The following CUBN variants were observed in gnomAD, a reference collection of about 807,000 sequenced individuals.
The protein encoded by CUBN is cubilin, also known as 460 kDa receptor.
CUBN carries 282 observed loss-of-function variants against 405.3 expected under a neutral mutation model. The ratio of observed to expected loss-of-function variants is 0.70; its 90% CI spans 0.63 to 0.77. The LOEUF (loss-of-function observed/expected upper bound fraction) is 0.77, where lower values mean the gene tolerates loss of function less well. Ranked by LOEUF, CUBN falls within the 30% of genes least tolerant of loss-of-function variation. The probability of loss-of-function intolerance (pLI) is 0.00; values close to 1 mark genes in which losing one functional copy is unlikely to be tolerated. For synonymous variants in CUBN, 1,684 were observed against 1,617.0 expected (o/e 1.04, Z -0.99); for missense variants, 4,514 against 4,475.2 (o/e 1.01, Z -0.25).
At position 17,000,509 on chromosome 10, in the gene CUBN, C is replaced by G. The variant is rs1833848239; in HGVS notation, c.4169-9994G>C. ...GTCACTTAGTGGGAAGCCTTTGAAA[C>G]TGGATCACCATTTACTTGGGTAAGA... On this transcript the variant is annotated intron_variant, in intron 28 of 66. Coordinates refer to ENST00000377833, the MANE Select transcript of CUBN (RefSeq NM_001081.4). Among the ~76,000 whole-genome samples, 6 of 152,338 alleles carry G rather than the reference C, an allele frequency of 3.9e-5. No individual in the cohort carries two copies. In the South Asian group the frequency reaches 1.2e-3, roughly 32 times the overall value.
At chr10:16,925,062 T>A (rs1239392956) in intron 43 of CUBN, among the ~76,000 whole-genome samples, 179 bp downstream of exon 43, 5 of 152,210 alleles carry the variant, frequency 3.3e-5, no homozygotes, top group Non-Finnish European at 5.9e-5. Flanking sequence ...ATGGAAATAA[T>A]GATACTTTAC....
At chr10:16,972,202 A>C (rs1832956081) in intron 31 of CUBN, among the ~76,000 whole-genome samples, 1 of 152,052 alleles carries the variant, frequency 6.6e-6, no homozygotes, top group African/African-American at 2.4e-5. Flanking sequence ...GTGTTTCCCC[A>C]GGAGTTGGCT....
chr10:17,100,059 C>A lies in CUBN; in HGVS notation c.1711G>T (p.Glu571Ter). ...AAGCCTCTCCCATTTCTTAAATGTT[C>A]AGAATAGAGATGAAAATAGAGAGCA... is the stretch of plus-strand genomic sequence containing the variant. ...DNALYFHLYSEHLRNGRGFTV... is the reference protein window; with the variant it reads ...DNALYFHLYS The change falls in exon 14 of 67, where the codon GAA becomes TAA. Residue 571 changes from glutamate to a stop codon, truncating the protein, a stop_gained. Coordinates refer to ENST00000377833, the MANE Select transcript of CUBN (RefSeq NM_001081.4). LOFTEE classifies it high-confidence loss of function. 6.2e-7 allele frequency: 1 copy of A among 1,613,782 alleles called. No individual in the cohort carries two copies. Among genetic ancestry groups the A allele is most frequent in the South Asian group, 1.1e-5 (1 of 91,040 alleles).
In CUBN at chr10:16,901,368, C is replaced by T; in HGVS notation, c.8154G>A (p.Leu2718=). The change falls in exon 52 of 67, where the codon CTG becomes CTA. Residue 2718 remains leucine (L), a synonymous_variant. Coordinates refer to ENST00000377833, the MANE Select transcript of CUBN (RefSeq NM_001081.4). ...AYDSLTHCSS[L]LEAPQGHTIT... ...TGGTGTGCCCTTGTGGGGCCTCCAA[C>T]AGCGAAGAGCAGTGGGTCAGGCTGT... is the stretch of plus-strand genomic sequence containing the variant. The T allele has an allele frequency of 1.2e-6, 2 of 1,614,070 alleles. No individual in the cohort carries two copies. The highest frequency in any genetic ancestry group is 2.2e-5 in the East Asian group (1 of 44,892).
At chr10:16,912,037 A>C (rs1841749157) in intron 48 of CUBN, among the ~76,000 whole-genome samples, 1 of 152,192 alleles carries the variant, frequency 6.6e-6, no homozygotes, top group African/African-American at 2.4e-5. Context: ...AATAATAGGA[A>C]AAAAGTTTCT....
Position 16,939,061 on chromosome 10 carries a change from G to C in CUBN, c.5635C>G (p.Gln1879Glu). The change falls in exon 38 of 67, where the codon CAA (glutamine) becomes GAA (glutamate). Residue 1879 changes from glutamine (Q) to glutamate (E), a missense_variant. Coordinates refer to ENST00000377833, the MANE Select transcript of CUBN (RefSeq NM_001081.4). The stretch of plus-strand genomic sequence containing the variant: ...GATGCATTCACATTTACTGTCCATT[G>C]GTAATTGGAGTTATGTGGGTAGTTT... ...PENYPHNSNY[Q>E]WTVNVNASHV... is the part of the protein sequence containing the mutation. 1 of 1,612,068 alleles carries C rather than the reference G, an allele frequency of 6.2e-7. No individual in the cohort carries two copies. The highest frequency in any genetic ancestry group is 1.3e-5 in the African/African-American group (1 of 74,996).
At chr10:16,887,325 G>C (rs574858459) in intron 56 of CUBN, among the ~76,000 whole-genome samples, 1 of 152,264 alleles carries the variant, frequency 6.6e-6, no homozygotes, top group Non-Finnish European at 1.5e-5. Context: ...TGTTGTTAAA[G>C]TTCTGTCACT....
chr10:16,906,368 T>C lies in CUBN; in HGVS notation c.7747A>G (p.Thr2583Ala), dbSNP rs1841557770. The change falls in exon 50 of 67, where the codon ACT (threonine) becomes GCT (alanine). Residue 2583 changes from threonine to alanine, a missense_variant. Physicochemically the swap from Thr to Ala is moderately conservative, Grantham distance 58. Coordinates refer to ENST00000377833, the MANE Select transcript of CUBN (RefSeq NM_001081.4). ...CTGACTCCGTCATAGCCAGGAGAAG[T>C]AAAGTTTCCTTCAGGAGTATTTGGA... is the stretch of plus-strand genomic sequence containing the variant. Reference protein sequence around the residue: ...SLPNTPEGNFTSPGYDGVRNY... With the variant: ...SLPNTPEGNFASPGYDGVRNY... 6.2e-7 allele frequency: 1 copy of C among 1,613,974 alleles called. No individual in the cohort carries two copies. The highest frequency in any genetic ancestry group is 2.2e-5 in the East Asian group (1 of 44,872).
chr10:16,970,275 T>G (rs1396204188), intron 31 of CUBN, among the ~76,000 whole-genome samples: 1 of 152,156 alleles, frequency 6.6e-6, no homozygotes, highest in Non-Finnish European at 1.5e-5. Context: ...GATATAGAAG[T>G]GAAAGTGGGC....
Position 16,925,384 on chromosome 10 carries a change from G to A in CUBN, c.6503C>T (p.Pro2168Leu), listed in dbSNP as rs1264465406. ...GPDICSPPLG[P>L]PGGNGHFCGS... ...ACAAAAATGACCATTTCCTCCAGGG[G>A]GTCCCAAGGGTGGAGAACAGATATC... Residue 2168 changes from proline (P) to leucine (L), a missense_variant, in exon 43 of 67, where the codon CCC becomes CTC. By Grantham distance (98) the Pro-to-Leu change is moderately conservative (BLOSUM62 -3). Coordinates refer to ENST00000377833, the MANE Select transcript of CUBN (RefSeq NM_001081.4). 1 of 1,613,782 alleles carries A rather than the reference G, an allele frequency of 6.2e-7. No homozygotes were observed. The highest frequency in any genetic ancestry group is 1.7e-5 in the Admixed American group (1 of 59,968).
intron 43 of CUBN, among the ~76,000 whole-genome samples, chr10:16,921,295 C>T (rs1160753659): frequency 6.6e-6 from 1 of 152,114 alleles, no homozygotes; most frequent in African/African-American, 2.4e-5. Flanking sequence ...TAATTTATTA[C>T]TATCCTCAAT....
Position 16,825,078 on chromosome 10 carries a change from G to C in CUBN, c.10769C>G (p.Thr3590Ser). 6.2e-7 allele frequency: 1 copy of C among 1,610,496 alleles called. No individual in the cohort carries two copies. ...PSSGPYCGGD[T>S]SIAPFVASSN... Reference sequence around the variant, plus strand: ...GGAAGCCACGAAGGGAGCTATGCTGGTGTCCTAAAATTGAAAAAAAAAGTA... The same window carrying C: ...GGAAGCCACGAAGGGAGCTATGCTGCTGTCCTAAAATTGAAAAAAAAAGTA... Residue 3590 changes from threonine to serine, a missense_variant, in exon 67 of 67, where the codon ACC becomes AGC. Transcript: ENST00000377833.
chr10:17,074,452 G>C (rs1232442556), intron 17 of CUBN, among the ~76,000 whole-genome samples: 1 of 152,184 alleles, frequency 6.6e-6, no homozygotes, highest in African/African-American at 2.4e-5. Context: ...TCCTGAACCT[G>C]TGTGACATTC....
intron 31 of CUBN, among the ~76,000 whole-genome samples, chr10:16,980,003 AT>A (rs1182740496): frequency 6.6e-6 from 1 of 152,240 alleles, no homozygotes; most frequent in Non-Finnish European, 1.5e-5. Context: ...CAAGAAAAAA[AT>A]AAACAACCTC....
chr10:16,969,581 T>C (rs1198326003), intron 31 of CUBN, among the ~76,000 whole-genome samples: 1 of 152,132 alleles, frequency 6.6e-6, no homozygotes, highest in East Asian at 1.9e-4. Context: ...TCTCAATCTC[T>C]AGACCTCATG....
At chr10:16,952,429 T>C in intron 32 of CUBN, 40 bp from the exon 33 acceptor site, 4 of 1,129,404 alleles carry the variant, frequency 3.5e-6, no homozygotes, top group Non-Finnish European at 5.4e-6. Flanking sequence ...CATATGCTTT[T>C]CATTTCTACT....
Position 16,947,276 on chromosome 10 carries a change from G to A in CUBN, c.5301C>T (p.Asn1767=), listed in dbSNP as rs372482801. ...GCCGGTTGCCAGGGGAACTGACGAT[G>A]TTCCAGACACATTCCACATTAGGGG... is the stretch of plus-strand genomic sequence containing the variant. The part of the protein sequence containing the change: ...IYPPNVECVW[N]IVSSPGNRLQ... Residue 1767 remains asparagine (N), a synonymous_variant, in exon 36 of 67, where the codon AAC becomes AAT. Coordinates refer to ENST00000377833, the MANE Select transcript of CUBN (RefSeq NM_001081.4). 8 of 1,613,950 alleles carry A rather than the reference G, an allele frequency of 5.0e-6. No individual in the cohort carries two copies. Among genetic ancestry groups the A allele is most frequent in the South Asian group, 2.2e-5 (2 of 91,092 alleles).
chr10:16,841,654 C>T (rs1325998883), intron 60 of CUBN, among the ~76,000 whole-genome samples: 2 of 152,136 alleles, frequency 1.3e-5, no homozygotes, highest in African/African-American at 4.8e-5. Flanking sequence ...TGTGTTGCTG[C>T]TTCTTGGGTA....
chr10:16,978,259 G>A (rs1203940056), intron 31 of CUBN, among the ~76,000 whole-genome samples: 1 of 152,196 alleles, frequency 6.6e-6, no homozygotes. Flanking sequence ...TTGTGGATCA[G>A]TAAAGGCCCT....
Sources: gnomAD v4.1 joint callset for allele counts (sites outside exome capture counted in the v4.1 genomes callset) on GRCh38, gnomAD v4.1.1 for gene constraint, MANE v1.5 for transcripts, NCBI Gene and HGNC (gene_info 2026-07-23, HGNC 2026-07-21) for gene names.